The following PCDHGB4 variants were observed in gnomAD, a reference collection of about 807,000 sequenced individuals.
PCDHGB4 encodes protocadherin gamma subfamily B, 4, also known as protocadherin gamma-B4.
PCDHGB4 carries 38 observed loss-of-function variants against 60.5 expected under a neutral mutation model. The ratio of observed to expected loss-of-function variants is 0.63; its 90% CI spans 0.48 to 0.82. The LOEUF (loss-of-function observed/expected upper bound fraction) is 0.82, where lower values mean the gene tolerates loss of function less well. Ranked by LOEUF, PCDHGB4 falls within the 40% of genes least tolerant of loss-of-function variation. PCDHGB4 has a pLI of 0.00. For missense variants in PCDHGB4, 1,109 were observed against 1,209.6 expected (o/e 0.92, Z 1.23); for synonymous variants, 456 against 509.7 (o/e 0.89, Z 1.42).
chr5:141,423,777 T>A, intron 1 of PCDHGB4: 1 of 1,159,844 alleles, frequency 8.6e-7, no homozygotes, highest in Non-Finnish European at 1.1e-6. Flanking sequence ...GGCATATATT[T>A]AGTTCATATA....
At chr5:141,447,437 G>A (rs1435222330) in intron 1 of PCDHGB4, among the ~76,000 whole-genome samples, 3 of 152,128 alleles carry the variant, frequency 2.0e-5, no homozygotes, top group Non-Finnish European at 2.9e-5. Context: ...CGCACCCGGA[G>A]GAAATTTTTA....
chr5:141,430,750 G>A (rs746434313), intron 1 of PCDHGB4: 2 of 1,500,586 alleles, frequency 1.3e-6, no homozygotes, highest in Non-Finnish European at 1.8e-6. Context: ...AATTCTGGAG[G>A]AAGATAAGAA....
intron 1 of PCDHGB4, chr5:141,392,764 C>G: frequency 6.8e-7 from 1 of 1,480,722 alleles, no homozygotes; most frequent in Non-Finnish European, 9.0e-7. Flanking sequence ...CTAAATAAGA[C>G]CCATTTATGC....
intron 1 of PCDHGB4, chr5:141,419,395 G>A: frequency 6.2e-7 from 1 of 1,613,596 alleles, no homozygotes; most frequent in Non-Finnish European, 8.5e-7. Context: ...CGCAGAGCGG[G>A]GTGGTGTTCG....
chr5:141,408,185 C>G, intron 1 of PCDHGB4: 1 of 1,540,440 alleles, frequency 6.5e-7, no homozygotes, highest in Non-Finnish European at 8.8e-7. Context: ...GGGGACCCAG[C>G]GAGAACCCGA....
intron 1 of PCDHGB4, chr5:141,433,145 G>C (rs2097571427): frequency 6.2e-7 from 1 of 1,613,922 alleles, no homozygotes; most frequent in Non-Finnish European, 8.5e-7. Flanking sequence ...GCTGTCAGGT[G>C]ATTCGGTATT....
rs946434728 is a variant in PCDHGB4, at chr5:141,428,357, C to A, written c.2397+38076C>A. On this transcript the variant is annotated intron_variant, in intron 1 of 3. Coordinates refer to ENST00000519479, the MANE Select transcript of PCDHGB4 (RefSeq NM_003736.4). ...CTCTTCTTCCTCGCAGTGATTTTGG[C>A]GGTCGCCTTGCACCTGCGATGCTCT... is the stretch of plus-strand genomic sequence containing the variant. The A allele has an allele frequency of 1.2e-5, 7 of 565,506 alleles. No individual in the cohort carries two copies. The East Asian group carries it at 2.0e-4, about 16-fold the overall frequency. The allele number at this position is 565,506 out of a possible 1,614,324, so 35.0% of individuals were successfully genotyped here.
chr5:141,440,373 G>A (rs866892003), intron 1 of PCDHGB4: 2 of 152,214 alleles, frequency 1.3e-5, no homozygotes, highest in Non-Finnish European at 2.9e-5. Context: ...GGCCGAGGCA[G>A]GAGAATCGCT....
At chr5:141,447,178 C>T (rs1258561542) in intron 1 of PCDHGB4, among the ~76,000 whole-genome samples, 2 of 152,094 alleles carry the variant, frequency 1.3e-5, no homozygotes, top group Middle Eastern at 3.4e-3. Context: ...TTGCTCTTGT[C>T]GCGCAGGCTG....
intron 1 of PCDHGB4, chr5:141,422,195 A>G: frequency 6.4e-7 from 1 of 1,562,278 alleles, no homozygotes; most frequent in African/African-American, 1.4e-5. Flanking sequence ...ATTCAAGGCC[A>G]AGATGGTGGA....
At chr5:141,407,969 A>C (rs900029714) in intron 1 of PCDHGB4, 1 of 708,308 alleles carries the variant, frequency 1.4e-6, no homozygotes, top group Non-Finnish European at 2.2e-6. Flanking sequence ...GCAAGCGCTG[A>C]CGCCGGGGAT....
chr5:141,417,859 GAT>G, intron 1 of PCDHGB4: 1 of 1,548,208 alleles, frequency 6.5e-7, no homozygotes, highest in Middle Eastern at 1.7e-4. Context: ...CCGAGCGAAC[GAT>G]GGGAGGGAGC....
intron 1 of PCDHGB4, chr5:141,399,894 C>T (rs201911174): frequency 1.9e-6 from 3 of 1,612,570 alleles, no homozygotes; most frequent in Non-Finnish European, 2.5e-6. Context: ...AGGTAGTGGC[C>T]GTGGACGCAG....
chr5:141,430,245 G>C (rs1000418420), intron 1 of PCDHGB4, among the ~76,000 whole-genome samples: 1 of 104,402 alleles, frequency 9.6e-6, no homozygotes, highest in African/African-American at 6.4e-5. Flanking sequence ...GAAACTCCTA[G>C]GGAGACATCT....
Position 141,484,782 on chromosome 5 carries a change from C to A in PCDHGB4, c.2398-10025C>A, listed in dbSNP as rs572593816. 2.0e-5 allele frequency among the ~76,000 whole-genome samples: 3 copies of A among 152,066 alleles called. No homozygotes were observed. In the South Asian group the frequency reaches 6.3e-4, roughly 32 times the overall value. On this transcript the variant is annotated intron_variant, in intron 1 of 3. Transcript: ENST00000519479. Reference sequence around the variant, plus strand: ...TATATATATGTTGTCTGCCTCCCCACAGAGATAACAACCCGTGGAAAAACA... The same window carrying A: ...TATATATATGTTGTCTGCCTCCCCAAAGAGATAACAACCCGTGGAAAAACA...
chr5:141,478,146 T>C (rs1457995929), intron 1 of PCDHGB4: 1 of 1,613,978 alleles, frequency 6.2e-7, no homozygotes, highest in Non-Finnish European at 8.5e-7. Context: ...CGAGCCGAGT[T>C]CCCCTCTGGC....
At position 141,388,923 on chromosome 5, in the gene PCDHGB4, T is replaced by C. The variant is rs374663443; in HGVS notation, c.1039T>C (p.Phe347Leu). 4.3e-6 allele frequency: 7 copies of C among 1,614,002 alleles called. No individual in the cohort carries two copies. The highest frequency in any genetic ancestry group is 2.2e-5 in the East Asian group (1 of 44,888). Residue 347 changes from phenylalanine (F) to leucine (L), a missense_variant, in exon 1 of 4, where the codon TTC (phenylalanine) becomes CTC (leucine). Physicochemically the swap from Phe to Leu is conservative, Grantham distance 22 (BLOSUM62 0). Coordinates refer to ENST00000519479, the MANE Select transcript of PCDHGB4 (RefSeq NM_003736.4). ...DENDNAPEVIFQSLPNLIMED... is the reference protein window; with the variant it reads ...DENDNAPEVILQSLPNLIMED... The stretch of plus-strand genomic sequence containing the variant: ...AAATGACAACGCCCCAGAAGTGATA[T>C]TCCAGTCTCTACCCAACCTAATTAT...
At chr5:141,414,773 A>G in intron 1 of PCDHGB4, 1 of 1,614,204 alleles carries the variant, frequency 6.2e-7, no homozygotes, top group Non-Finnish European at 8.5e-7. Flanking sequence ...CATGAGCTAC[A>G]GATGCAGGTG....
chr5:141,437,956 T>A (rs998689841), intron 1 of PCDHGB4, among the ~76,000 whole-genome samples: 6 of 152,178 alleles, frequency 3.9e-5, no homozygotes, highest in African/African-American at 1.4e-4. Context: ...CAGAATGGTC[T>A]TGATCTCTTG....
Sources: gnomAD v4.1 joint callset for allele counts (sites outside exome capture counted in the v4.1 genomes callset) on GRCh38, gnomAD v4.1.1 for gene constraint, MANE v1.5 for transcripts, NCBI Gene and HGNC (gene_info 2026-07-23, HGNC 2026-07-21) for gene names.